CHD6: variants seen among roughly 807,000 people sequenced by gnomAD.
CHD6 encodes the protein chromodomain helicase DNA binding protein 6, also known as ATP-dependent chromatin remodeler CHD6.
A neutral mutation model predicts 276.9 loss-of-function variants in CHD6; 50 were observed. The observed-to-expected ratio is 0.18, with a 90% CI of 0.14 to 0.23. The LOEUF is 0.23. Among genes scored for constraint, CHD6 ranks in the 10% least tolerant of loss-of-function variants. The pLI, the probability that CHD6 is intolerant of heterozygous loss-of-function variation, is 1.00. For missense variants in CHD6, 2,564 were observed against 3,365.8 expected (o/e 0.76, Z 5.89); for synonymous variants, 1,173 against 1,229.3 (o/e 0.95, Z 0.96).
At chr20:41,561,725 G>A (rs1050649670) in intron 1 of CHD6, among the ~76,000 whole-genome samples, 1 of 152,188 alleles carries the variant, frequency 6.6e-6, no homozygotes, top group African/African-American at 2.4e-5. Context: ...CTGGTGGGTT[G>A]CAAATCACAG....
intron 1 of CHD6, among the ~76,000 whole-genome samples, chr20:41,585,511 C>CAAAAAAAAAAAAAAAAAAAAA (rs60920576): frequency 1.3e-5 from 1 of 74,234 alleles, no homozygotes; most frequent in Non-Finnish European, 3.1e-5. Context: ...TCCGTCTCAC[C>CAAAAAAAAAAAAAAAAAAAAA]AAAAAAAAAA....
intron 25 of CHD6, among the ~76,000 whole-genome samples, chr20:41,441,269 T>C (rs2047892644): frequency 6.6e-6 from 1 of 152,228 alleles, no homozygotes; most frequent in South Asian, 2.1e-4. Context: ...GGCCTGACAC[T>C]GTACAGACTC....
At chr20:41,596,266 C>T (rs978003198) in intron 1 of CHD6, among the ~76,000 whole-genome samples, 9 of 152,076 alleles carry the variant, frequency 5.9e-5, no homozygotes, top group African/African-American at 2.2e-4. Flanking sequence ...AAGAGAAGTG[C>T]CACGTGGAGG....
At chr20:41,558,300 G>C (rs1288668781) in intron 1 of CHD6, among the ~76,000 whole-genome samples, 1 of 152,220 alleles carries the variant, frequency 6.6e-6, no homozygotes, top group Non-Finnish European at 1.5e-5. Context: ...CGAGACATGT[G>C]AATGTCTTCT....
intron 2 of CHD6, among the ~76,000 whole-genome samples, chr20:41,543,922 T>C (rs2044992493): frequency 6.6e-6 from 1 of 152,208 alleles, no homozygotes; most frequent in African/African-American, 2.4e-5. Context: ...CCCTTTGGGC[T>C]AGTTTTCCCA....
intron 1 of CHD6, among the ~76,000 whole-genome samples, chr20:41,611,030 C>T (rs1351769876): frequency 6.6e-6 from 1 of 152,188 alleles, no homozygotes; most frequent in Non-Finnish European, 1.5e-5. Flanking sequence ...TAAGTCCCCG[C>T]TGGAACAGCT....
chr20:41,583,032 C>T (rs1232856766), intron 1 of CHD6, among the ~76,000 whole-genome samples: 2 of 151,832 alleles, frequency 1.3e-5, no homozygotes, highest in Non-Finnish European at 2.9e-5. Context: ...AACTGGAGTC[C>T]CAGATGGCAG....
intron 5 of CHD6, among the ~76,000 whole-genome samples, chr20:41,510,169 T>G (rs2044082969): frequency 6.6e-6 from 1 of 152,208 alleles, no homozygotes; most frequent in Admixed American, 6.5e-5. Context: ...AGCCACCTCT[T>G]CTTCAATGAT....
chr20:41,481,080 A>G (rs1156451659), intron 16 of CHD6, among the ~76,000 whole-genome samples: 3 of 151,880 alleles, frequency 2.0e-5, no homozygotes, highest in Non-Finnish European at 2.9e-5. Flanking sequence ...ACTTCATCTT[A>G]GGTGACAGAG....
At chr20:41,414,831 G>GT in intron 34 of CHD6, 10 of 1,162,502 alleles carry the variant, frequency 8.6e-6, no homozygotes, top group Non-Finnish European at 1.1e-5. Flanking sequence ...CCCCAGTCTT[G>GT]GAGAGCCTCA....
At chr20:41,504,573 C>G (rs150163080) in intron 5 of CHD6, among the ~76,000 whole-genome samples, 5,091 of 152,016 alleles carry the variant, frequency 0.033, 133 homozygotes, top group Non-Finnish European at 0.05. Flanking sequence ...CCACACCCAG[C>G]TAATTTTTGT....
chr20:41,589,737 G>A (rs1449372150), intron 1 of CHD6, among the ~76,000 whole-genome samples: 3 of 152,142 alleles, frequency 2.0e-5, no homozygotes, highest in African/African-American at 4.8e-5. Flanking sequence ...ACAAATGGAA[G>A]AACATTCCAT....
At chr20:41,569,153 G>C (rs916273785) in intron 1 of CHD6, among the ~76,000 whole-genome samples, 2 of 152,200 alleles carry the variant, frequency 1.3e-5, no homozygotes, top group African/African-American at 4.8e-5. Flanking sequence ...CTGGGTGAAT[G>C]ATGAGGCAGG....
rs188472491 is a variant in CHD6, at chr20:41,533,422, A to G, written c.182T>C (p.Leu61Pro). The G allele has an allele frequency of 1.2e-5, 19 of 1,614,178 alleles. No individual in the cohort carries two copies. Among genetic ancestry groups the G allele is most frequent in the South Asian group, 3.3e-5 (3 of 91,076 alleles). ...VASHCLPQKD[L>P]YTAEEEAATL... ...AGCAGCTTCCTCTTCAGCAGTATAC[A>G]GGTCCTTCTGAGGCAGACAGTGACT... is the stretch of plus-strand genomic sequence containing the variant. Residue 61 changes from leucine to proline, a missense_variant, in exon 3 of 37, where the codon CTG becomes CCG. Around this residue, in one of 7 missense-constraint regions of CHD6, gnomAD observed 286 missense variants for 297.8 expected, o/e 0.96. Transcript: ENST00000373233.
intron 1 of CHD6, among the ~76,000 whole-genome samples, chr20:41,588,911 C>CA (rs1335693927): frequency 2.0e-5 from 3 of 151,846 alleles, no homozygotes; most frequent in African/African-American, 7.3e-5. Flanking sequence ...AGAGACACAA[C>CA]AAAAAAAGAG....
intron 1 of CHD6, among the ~76,000 whole-genome samples, chr20:41,555,321 G>T (rs1282999169): frequency 7.2e-6 from 1 of 139,812 alleles, no homozygotes; most frequent in African/African-American, 2.7e-5. Context: ...GGGCAGAGGC[G>T]CCCCTCACCT....
intron 30 of CHD6, among the ~76,000 whole-genome samples, chr20:41,422,299 A>G (rs1421306522): frequency 6.6e-6 from 1 of 152,168 alleles, no homozygotes; most frequent in Non-Finnish European, 1.5e-5. Flanking sequence ...GAGCATAAAA[A>G]TTCCAGTTCT....
At chr20:41,579,199 C>T (rs1004995391) in intron 1 of CHD6, among the ~76,000 whole-genome samples, 19 of 147,750 alleles carry the variant, frequency 1.3e-4, no homozygotes, top group South Asian at 1.1e-3. Flanking sequence ...CACTTTGGGA[C>T]GCCGAGGTGG....
intron 31 of CHD6, among the ~76,000 whole-genome samples, chr20:41,418,117 C>T (rs2047062568): frequency 6.6e-6 from 1 of 152,190 alleles, no homozygotes; most frequent in South Asian, 2.1e-4. Context: ...TAGGGAGCTG[C>T]AGCGACCTGA....
Sources: gnomAD v4.1 joint callset for allele counts (sites outside exome capture counted in the v4.1 genomes callset) on GRCh38, gnomAD v4.1.1 for gene constraint, gnomAD v4.1.1 regional missense constraint, MANE v1.5 for transcripts, NCBI Gene and HGNC (gene_info 2026-07-23, HGNC 2026-07-21) for gene names.